The following LIPC variants were observed in gnomAD, a reference collection of about 807,000 sequenced individuals.
LIPC encodes hepatic triacylglycerol lipase.
A neutral mutation model predicts 50.7 loss-of-function variants in LIPC; 44 were observed. That is an observed-to-expected ratio of 0.87 (90% CI 0.68 to 1.11). The LOEUF is 1.11. LIPC is among the 50% of genes most tolerant of loss of function. LIPC has a pLI of 0.00. For missense variants in LIPC, 697 were observed against 648.2 expected (o/e 1.08, Z -0.82); for synonymous variants, 271 against 256.4 (o/e 1.06, Z -0.54).
rs10716717 is a variant in LIPC, at chr15:58,496,743, C to CAAAAAAAAAAAAAA, written c.89-41586_89-41573dup. On this transcript the variant is annotated intron_variant, in intron 1 of 8. Coordinates refer to ENST00000299022, the MANE Select transcript of LIPC (RefSeq NM_000236.3). The stretch of plus-strand genomic sequence containing the variant: ...GCCCTGCTACAGAAGTCTTCCCCCT[C>CAAAAAAAAAAAAAA]AAAAAAAAAAAAAAAAATTAAGATG... Among the ~76,000 whole-genome samples, 63 of 114,168 alleles carry CAAAAAAAAAAAAAA rather than the reference C, an allele frequency of 5.5e-4. 1 individual carries two copies. The highest frequency in any genetic ancestry group is 9.7e-4 in the Non-Finnish European group (55 of 56,516). 74.9% of individuals were successfully genotyped at this position (114,168 alleles called of 152,430 possible).
chr15:58,565,056 A>G (rs4775081), intron 8 of LIPC: 753,802 of 759,428 alleles, frequency 0.99, 374,307 homozygotes, highest in East Asian at 1. Flanking sequence ...TCACTGCCAG[A>G]TGCCGGCCTG....
At chr15:58,552,192 G>A (rs1462492791) in intron 6 of LIPC, among the ~76,000 whole-genome samples, 2 of 152,186 alleles carry the variant, frequency 1.3e-5, no homozygotes, top group Admixed American at 6.5e-5. Flanking sequence ...CCCTCGGGGG[G>A]CACTCTGCCC....
intron 1 of LIPC, among the ~76,000 whole-genome samples, chr15:58,441,842 G>A (rs1219673199): frequency 6.6e-6 from 1 of 152,242 alleles, no homozygotes; most frequent in African/African-American, 2.4e-5. Flanking sequence ...CTGTTAGTCA[G>A]AAGAGGGAAA....
At chr15:58,471,677 G>C (rs564976764) in intron 1 of LIPC, among the ~76,000 whole-genome samples, 1 of 152,330 alleles carries the variant, frequency 6.6e-6, no homozygotes, top group South Asian at 2.1e-4. Context: ...AACTTCTGGA[G>C]TCAGTGCTCC....
At chr15:58,512,191 C>T (rs1157642406) in intron 1 of LIPC, among the ~76,000 whole-genome samples, 1 of 151,906 alleles carries the variant, frequency 6.6e-6, no homozygotes, top group African/African-American at 2.4e-5. Flanking sequence ...CTCCTTCTCC[C>T]AGGTTCAAGC....
intron 1 of LIPC, among the ~76,000 whole-genome samples, chr15:58,457,396 C>G (rs1051426193): frequency 4.6e-5 from 7 of 152,336 alleles, no homozygotes; most frequent in South Asian, 2.1e-4. Flanking sequence ...AGGCGTGAGC[C>G]ACCGCGCCCG....
chr15:58,567,862 G>A (rs1013413928), intron 8 of LIPC, among the ~76,000 whole-genome samples: 3 of 152,152 alleles, frequency 2.0e-5, no homozygotes, highest in Non-Finnish European at 2.9e-5. Flanking sequence ...GGGGAGTGAT[G>A]TTAGTGAAGG....
chr15:58,514,594 C>A (rs751372898), intron 1 of LIPC, among the ~76,000 whole-genome samples: 1 of 152,108 alleles, frequency 6.6e-6, no homozygotes. Context: ...GAGGCCAAGG[C>A]GGGAGGATCA....
At chr15:58,539,284 T>G (rs140193703) in intron 2 of LIPC, among the ~76,000 whole-genome samples, 32 of 152,366 alleles carry the variant, frequency 2.1e-4, no homozygotes, top group African/African-American at 7.7e-4. Flanking sequence ...GCTTTTGGTA[T>G]AAAAGAGTGT....
At chr15:58,458,252 T>C (rs1255558061) in intron 1 of LIPC, among the ~76,000 whole-genome samples, 2 of 152,130 alleles carry the variant, frequency 1.3e-5, no homozygotes, top group Non-Finnish European at 2.9e-5. Flanking sequence ...CATCAGGAAG[T>C]GCTTCCTAAA....
intron 6 of LIPC, among the ~76,000 whole-genome samples, chr15:58,552,824 C>T (rs1176171960): frequency 1.2e-4 from 18 of 152,162 alleles, no homozygotes; most frequent in African/African-American, 3.1e-4. Context: ...GCCTTGCTGC[C>T]AACCACTTAT....
At chr15:58,471,330 G>GGC (rs1555399319) in intron 1 of LIPC, among the ~76,000 whole-genome samples, 46 of 118,414 alleles carry the variant, frequency 3.9e-4, no homozygotes, top group South Asian at 1.6e-3. Context: ...AGTAGAGATG[G>GGC]GGGGGGGTGG....
At chr15:58,439,421 A>G (rs1409828511) in intron 1 of LIPC, among the ~76,000 whole-genome samples, 2 of 152,132 alleles carry the variant, frequency 1.3e-5, no homozygotes, top group African/African-American at 4.8e-5. Context: ...TGGGTAATGA[A>G]GCACCTAAAA....
intron 1 of LIPC, among the ~76,000 whole-genome samples, chr15:58,493,258 C>G (rs1387768898): frequency 6.6e-6 from 1 of 152,108 alleles, no homozygotes; most frequent in Non-Finnish European, 1.5e-5. Flanking sequence ...CCTCCTCCCG[C>G]CAGCACTCCA....
At chr15:58,552,479 C>A (rs1893799579) in intron 6 of LIPC, among the ~76,000 whole-genome samples, 1 of 152,226 alleles carries the variant, frequency 6.6e-6, no homozygotes, top group African/African-American at 2.4e-5. Context: ...CTTCCACACT[C>A]CCTCTTCCAT....
At chr15:58,493,906 T>C (rs1891678941) in intron 1 of LIPC, among the ~76,000 whole-genome samples, 1 of 152,018 alleles carries the variant, frequency 6.6e-6, no homozygotes, top group Non-Finnish European at 1.5e-5. Context: ...AAGGAATGAA[T>C]TGCTTGTGGG....
At chr15:58,494,428 T>C (rs1216587039) in intron 1 of LIPC, among the ~76,000 whole-genome samples, 1 of 152,216 alleles carries the variant, frequency 6.6e-6, no homozygotes, top group African/African-American at 2.4e-5. Flanking sequence ...CATAGATCCT[T>C]GGGCAGGTCA....
At chr15:58,499,184 A>G (rs1891885029) in intron 1 of LIPC, among the ~76,000 whole-genome samples, 1 of 152,220 alleles carries the variant, frequency 6.6e-6, no homozygotes, top group South Asian at 2.1e-4. Flanking sequence ...GTGTTCTCAG[A>G]GGCAGCTCTA....
intron 1 of LIPC, chr15:58,436,946 G>A (rs949325638): frequency 2.3e-6 from 1 of 444,136 alleles, no homozygotes; most frequent in African/African-American, 2.0e-5. Context: ...CCCATAGAAC[G>A]GTGTTGATAG....
Sources: gnomAD v4.1 joint callset for allele counts (sites outside exome capture counted in the v4.1 genomes callset) on GRCh38, gnomAD v4.1.1 for gene constraint, MANE v1.5 for transcripts, NCBI Gene and HGNC (gene_info 2026-07-23, HGNC 2026-07-21) for gene names.